EPHB2: variants seen among roughly 807,000 people sequenced by gnomAD.
The protein encoded by EPHB2 is ephrin type-B receptor 2.
In EPHB2, 18 loss-of-function variants were observed where a neutral mutation model predicts 96.4. The ratio of observed to expected loss-of-function variants is 0.19; its 90% CI spans 0.13 to 0.28. The LOEUF (loss-of-function observed/expected upper bound fraction) is 0.28, where lower values mean the gene tolerates loss of function less well. EPHB2 is among the 10% of genes least tolerant of loss of function. EPHB2 has a pLI of 1.00. For synonymous variants in EPHB2, 506 were observed against 534.1 expected, an observed-to-expected ratio of 0.95 and a Z score of 0.72; for missense variants, 989 against 1,355.4, an observed-to-expected ratio of 0.73 and a Z score of 4.25.
intron 4 of EPHB2, among the ~76,000 whole-genome samples, chr1:22,864,246 A>G (rs1048543627): frequency 1.3e-5 from 2 of 151,892 alleles, no homozygotes; most frequent in African/African-American, 2.4e-5. Flanking sequence ...GGGGTTTCCT[A>G]TGTTGGCCAG....
At chr1:22,818,228 C>T (rs776158136) in intron 3 of EPHB2, among the ~76,000 whole-genome samples, 5 of 152,162 alleles carry the variant, frequency 3.3e-5, no homozygotes, top group African/African-American at 7.2e-5. Context: ...CAGCCCCCCA[C>T]GACCTCTTCT....
rs550690510 is a variant in EPHB2, at chr1:22,733,079, G to A, written c.61+22036G>A. Reference sequence around the variant, plus strand: ...TTTCTTTCTTTTTTTTTGGAGTTTCGCTCTTGTCGCCCAGACTGGAATGCA... The same window carrying A: ...TTTCTTTCTTTTTTTTTGGAGTTTCACTCTTGTCGCCCAGACTGGAATGCA... On this transcript the variant is annotated intron_variant, in intron 1 of 15. Coordinates refer to ENST00000374630, the MANE Select transcript of EPHB2 (RefSeq NM_017449.5). This position sits in a 1 kb window ranked among gnomAD's most constrained non-coding sequence, Gnocchi z 4.6. Among the ~76,000 whole-genome samples, 9 of 150,878 alleles carry A rather than the reference G, an allele frequency of 6.0e-5. No homozygotes were observed. The South Asian group carries it at 8.4e-4, about 14-fold the overall frequency.
At chr1:22,836,271 C>T (rs1645382776) in intron 3 of EPHB2, among the ~76,000 whole-genome samples, 1 of 152,170 alleles carries the variant, frequency 6.6e-6, no homozygotes, top group African/African-American at 2.4e-5. Context: ...GCTCATTCCT[C>T]AGACTGTGCT....
chr1:22,711,878 G>C (rs1406827603), intron 1 of EPHB2, among the ~76,000 whole-genome samples: 2 of 152,228 alleles, frequency 1.3e-5, no homozygotes, highest in African/African-American at 4.8e-5. Flanking sequence ...CGACCCCCAG[G>C]GGGGCAAGGG....
chr1:22,911,182 T>TAAATAAA (rs1322763874), intron 14 of EPHB2, among the ~76,000 whole-genome samples: 4,391 of 84,548 alleles, frequency 0.052, 224 homozygotes, highest in African/African-American at 0.14. Context: ...AAATAAATAA[T>TAAATAAA]TACCAAAGGA....
At chr1:22,849,059 C>G (rs185390049) in intron 3 of EPHB2, among the ~76,000 whole-genome samples, 1 of 152,172 alleles carries the variant, frequency 6.6e-6, no homozygotes, top group Non-Finnish European at 1.5e-5. Context: ...GAGCTTAGTA[C>G]TTCTTTCTGT....
chr1:22,880,965 C>T (rs1048074489), intron 5 of EPHB2, among the ~76,000 whole-genome samples: 16 of 152,210 alleles, frequency 1.1e-4, no homozygotes, highest in African/African-American at 3.9e-4. Context: ...TCCACGACTG[C>T]AAAATAAGGG....
At chr1:22,840,092 A>AATGGATGG (rs1046344960) in intron 3 of EPHB2, among the ~76,000 whole-genome samples, 3 of 152,096 alleles carry the variant, frequency 2.0e-5, no homozygotes, top group African/African-American at 7.2e-5. Flanking sequence ...TGGATGGATG[A>AATGGATGG]ATGGATGGAT....
intron 1 of EPHB2, among the ~76,000 whole-genome samples, chr1:22,739,242 G>T (rs976891407): frequency 2.6e-5 from 4 of 151,744 alleles, no homozygotes; most frequent in Admixed American, 1.3e-4. Context: ...TTGAGACAGA[G>T]TCTCACTCTG....
chr1:22,796,399 T>TGGA (rs1400738927), intron 3 of EPHB2, among the ~76,000 whole-genome samples: 1 of 152,168 alleles, frequency 6.6e-6, no homozygotes, highest in Admixed American at 6.5e-5. Flanking sequence ...TGGGACCTGG[T>TGGA]GGAGGTTGGT....
chr1:22,908,950 G>T (rs1304525845), intron 12 of EPHB2, 72 bp from the exon 13 acceptor site: 13 of 1,597,044 alleles, frequency 8.1e-6, no homozygotes, highest in Non-Finnish European at 3.4e-6. Flanking sequence ...AGGGCACAGG[G>T]TGGGAGGATT....
intron 1 of EPHB2, chr1:22,774,473 G>A: frequency 1.4e-6 from 1 of 713,566 alleles, no homozygotes. Flanking sequence ...GCTCAGTTTT[G>A]GAAGAGAAGT....
intron 1 of EPHB2, among the ~76,000 whole-genome samples, chr1:22,767,230 C>G (rs554092533): frequency 1.2e-4 from 19 of 152,276 alleles, no homozygotes; most frequent in African/African-American, 4.3e-4. Context: ...AATTGGAGCC[C>G]AGAGAAGGGG....
chr1:22,721,829 T>C (rs2148340012), intron 1 of EPHB2, among the ~76,000 whole-genome samples: 1 of 151,960 alleles, frequency 6.6e-6, no homozygotes, highest in African/African-American at 2.4e-5. Context: ...TTGCCCAGGC[T>C]GGTCTTGAAC....
intron 3 of EPHB2, among the ~76,000 whole-genome samples, chr1:22,861,788 G>GA (rs1163223539): frequency 6.6e-6 from 1 of 151,848 alleles, no homozygotes; most frequent in African/African-American, 2.4e-5. Context: ...ACTAGAGCTG[G>GA]AAAAAATGAA....
intron 3 of EPHB2, among the ~76,000 whole-genome samples, chr1:22,845,043 G>A (rs1356641184): frequency 3.3e-5 from 5 of 152,218 alleles, no homozygotes; most frequent in Admixed American, 1.3e-4. Flanking sequence ...AGGATGTTGC[G>A]ATGAGAGCAG....
chr1:22,883,955 C>T (rs1191869278), intron 6 of EPHB2, among the ~76,000 whole-genome samples: 1 of 152,116 alleles, frequency 6.6e-6, no homozygotes, highest in Non-Finnish European at 1.5e-5. Flanking sequence ...CCTCCTGGGA[C>T]TTCATGCCTG....
chr1:22,819,209 C>G (rs1272077594), intron 3 of EPHB2, among the ~76,000 whole-genome samples: 1 of 100,480 alleles, frequency 1.0e-5, no homozygotes, highest in Non-Finnish European at 2.1e-5. Context: ...GCAGATGTCT[C>G]TCTCTCTCTC....
intron 9 of EPHB2, among the ~76,000 whole-genome samples, chr1:22,899,158 A>T (rs1639667947): frequency 7.0e-6 from 1 of 143,856 alleles, no homozygotes; most frequent in African/African-American, 2.6e-5. Context: ...GTGCCATTGC[A>T]CTCCAGCCTG....
Sources: gnomAD v4.1 joint callset for allele counts (sites outside exome capture counted in the v4.1 genomes callset) on GRCh38, gnomAD v4.1.1 for gene constraint, Gnocchi (gnomAD v3.1) non-coding constraint, MANE v1.5 for transcripts, NCBI Gene and HGNC (gene_info 2026-07-23, HGNC 2026-07-21) for gene names.